The following HKDC1 variants were observed in gnomAD, a reference collection of about 807,000 sequenced individuals.
HKDC1 encodes the protein hexokinase domain containing 1.
Under a neutral mutation model 96.6 loss-of-function variants are expected in HKDC1, and 66 were observed. The observed-to-expected ratio is 0.68, with a 90% CI of 0.56 to 0.84. HKDC1 has a LOEUF of 0.84. Ranked by LOEUF, HKDC1 falls within the 40% of genes least tolerant of loss-of-function variation. The pLI is 0.00. For missense variants in HKDC1, 1,211 were observed against 1,208.1 expected (o/e 1.00, Z -0.04); for synonymous variants, 466 against 473.1 (o/e 0.98, Z 0.20).
At chr10:69,234,400 T>G (rs1843329305) in intron 4 of HKDC1, among the ~76,000 whole-genome samples, 1 of 152,256 alleles carries the variant, frequency 6.6e-6, no homozygotes, top group Non-Finnish European at 1.5e-5. Flanking sequence ...TTGTTTTCTC[T>G]TTGAGAAAAT....
At position 69,247,494 on chromosome 10, in the gene HKDC1, C is replaced by G; in HGVS notation, c.1166C>G (p.Ala389Gly). ...CGCTCGGCCAATCTCTGTGCAGCAGCTCTGGCGGCCATCCTGACACGCCTC... is the reference window on the plus strand; with the variant it reads ...CGCTCGGCCAATCTCTGTGCAGCAGGTCTGGCGGCCATCCTGACACGCCTC... ...SFRSANLCAAALAAILTRLRE... is the reference protein window; with the variant it reads ...SFRSANLCAAGLAAILTRLRE... Residue 389 changes from alanine to glycine, a missense_variant, in exon 9 of 18, where the codon GCT becomes GGT. Ala to Gly is a moderately conservative substitution (Grantham distance 60). Coordinates refer to ENST00000354624, the MANE Select transcript of HKDC1 (RefSeq NM_025130.4). 6.2e-7 allele frequency: 1 copy of G among 1,614,178 alleles called. No individual in the cohort carries two copies. Among genetic ancestry groups the G allele is most frequent in the African/African-American group, 1.3e-5 (1 of 75,048 alleles).
At chr10:69,249,344 C>G (rs1843598597) in intron 10 of HKDC1, among the ~76,000 whole-genome samples, 1 of 152,242 alleles carries the variant, frequency 6.6e-6, no homozygotes. Flanking sequence ...TTCATCCTCA[C>G]AACCACTTGG....
rs1337918249 is a variant in HKDC1, at chr10:69,265,223, C to T, written c.2373-362C>T. On this transcript the variant is annotated intron_variant, in intron 16 of 17. Transcript: ENST00000354624. The stretch of plus-strand genomic sequence containing the variant: ...GTGTGAAAAGGCTTGAATTTGAGCC[C>T]CTGCTCTCTAACGAGAGGGCACAGC... 3.6e-5 allele frequency: 8 copies of T among 221,586 alleles called. No individual in the cohort carries two copies. In the Admixed American group the frequency reaches 4.9e-4, roughly 14 times the overall value. The allele number at this position is 221,586 out of a possible 1,614,324, so 13.7% of individuals were successfully genotyped here.
chr10:69,249,012 C>G lies in HKDC1; in HGVS notation c.1570+284C>G, dbSNP rs913011300. 1.4e-5 allele frequency: 4 copies of G among 294,376 alleles called. 1 individual carries two copies. The highest frequency in any genetic ancestry group is 2.5e-5 in the Non-Finnish European group (4 of 159,470). 18.2% of individuals were successfully genotyped at this position (294,376 alleles called of 1,614,324 possible). A position where few individuals can be genotyped will look rare whatever the true frequency, so the allele number is the denominator to read the frequency against. On this transcript the variant is annotated intron_variant, in intron 10 of 17. Transcript: ENST00000354624. ...AGATGAGAACATGAGTGTACCCCCC[C>G]CGACCCCCAGATCCTGACCCCAGGA...
intron 7 of HKDC1, among the ~76,000 whole-genome samples, chr10:69,245,248 T>C (rs1258667585): frequency 1.3e-5 from 2 of 152,186 alleles, no homozygotes; most frequent in Admixed American, 6.5e-5. Context: ...GATTGTGACA[T>C]AGATTGTTCT....
At position 69,257,353 on chromosome 10, in the gene HKDC1, C is replaced by T. The variant is rs201101555; in HGVS notation, c.1959C>T (p.Val653=). 6.7e-5 allele frequency: 108 copies of T among 1,613,774 alleles called. No homozygotes were observed. Among genetic ancestry groups the T allele is most frequent in the Non-Finnish European group, 8.0e-5 (94 of 1,179,762 alleles). ...AGTTTGACCTGGACATTGTTGCAGT[C>T]GTGAATGATACAGTGGGGACCATGA... ...RNEFDLDIVA[V]VNDTVGTMMT... is the part of the protein sequence containing the mutation. Residue 653 remains valine (V), a synonymous_variant, in exon 14 of 18, where the codon GTC becomes GTT. Coordinates refer to ENST00000354624, the MANE Select transcript of HKDC1 (RefSeq NM_025130.4).
chr10:69,228,776 G>GA (rs1843201266), intron 2 of HKDC1, among the ~76,000 whole-genome samples: 1 of 152,106 alleles, frequency 6.6e-6, no homozygotes, highest in Non-Finnish European at 1.5e-5. Context: ...TGAGGCAGGA[G>GA]AATCACTTGA....
chr10:69,227,521 G>T, intron 2 of HKDC1, 152 bp downstream of exon 2: 1 of 837,282 alleles, frequency 1.2e-6, no homozygotes, highest in Non-Finnish European at 1.8e-6. Flanking sequence ...CAGTCCTGCT[G>T]AATCCCTCTT....
intron 4 of HKDC1, among the ~76,000 whole-genome samples, chr10:69,238,323 C>G (rs759070945): frequency 1.3e-5 from 2 of 151,984 alleles, no homozygotes; most frequent in Non-Finnish European, 2.9e-5. Flanking sequence ...GTTTTGTGGA[C>G]CTGGCAAACC....
chr10:69,223,804 C>T (rs1328128326), intron 1 of HKDC1, among the ~76,000 whole-genome samples: 2 of 150,034 alleles, frequency 1.3e-5, no homozygotes, highest in Admixed American at 1.3e-4. Flanking sequence ...AGGCTGGTCT[C>T]GAACTCCTGA....
intron 12 of HKDC1, among the ~76,000 whole-genome samples, chr10:69,256,429 A>C (rs1843717247): frequency 6.6e-6 from 1 of 152,254 alleles, no homozygotes; most frequent in South Asian, 2.1e-4. Context: ...GATCATGGCC[A>C]GATGTGGTGA....
chr10:69,260,795 G>C (rs1168081186), intron 15 of HKDC1, among the ~76,000 whole-genome samples: 1 of 152,202 alleles, frequency 6.6e-6, no homozygotes, highest in Non-Finnish European at 1.5e-5. Flanking sequence ...GGTGCATGCA[G>C]ACAGTTTCAA....
intron 2 of HKDC1, among the ~76,000 whole-genome samples, chr10:69,228,198 T>C (rs1054921857): frequency 6.6e-6 from 1 of 152,194 alleles, no homozygotes; most frequent in Non-Finnish European, 1.5e-5. Context: ...GCCACCTGCA[T>C]CCTTGAGGCA....
chr10:69,264,405 A>G (rs576727547), intron 16 of HKDC1, among the ~76,000 whole-genome samples: 8 of 149,330 alleles, frequency 5.4e-5, no homozygotes, highest in African/African-American at 2.0e-4. Context: ...ACAAGATCTT[A>G]CGCTATTACC....
intron 7 of HKDC1, 67 bp downstream of exon 7, chr10:69,243,432 G>T: frequency 7.2e-7 from 1 of 1,379,354 alleles, no homozygotes; most frequent in South Asian, 1.6e-5. Flanking sequence ...AGGTCCCCTG[G>T]CTACCTGGGA....
intron 1 of HKDC1, among the ~76,000 whole-genome samples, chr10:69,223,821 G>A (rs1338448530): frequency 6.7e-6 from 1 of 149,788 alleles, no homozygotes; most frequent in Non-Finnish European, 1.5e-5. Context: ...CTGACCTCGG[G>A]ATCCGCCCGC....
intron 16 of HKDC1, chr10:69,261,586 T>G: frequency 7.2e-6 from 2 of 276,824 alleles, no homozygotes; most frequent in Non-Finnish European, 1.4e-5. Flanking sequence ...TATTTCATAA[T>G]GTATTTCTGA....
chr10:69,232,214 C>T (rs1433685224), intron 2 of HKDC1, among the ~76,000 whole-genome samples: 1 of 151,956 alleles, frequency 6.6e-6, no homozygotes, highest in East Asian at 1.9e-4. Context: ...TTTGGAGTGG[C>T]TCTGGCCTAA....
intron 15 of HKDC1, among the ~76,000 whole-genome samples, chr10:69,260,450 C>T (rs1476034906): frequency 1.3e-5 from 2 of 152,166 alleles, no homozygotes; most frequent in African/African-American, 4.8e-5. Flanking sequence ...ACTGAAGGCT[C>T]ACATTTTTGG....
Sources: gnomAD v4.1 joint callset for allele counts (sites outside exome capture counted in the v4.1 genomes callset) on GRCh38, gnomAD v4.1.1 for gene constraint, MANE v1.5 for transcripts, NCBI Gene and HGNC (gene_info 2026-07-23, HGNC 2026-07-21) for gene names.